The following UBE2Q2 variants were observed in gnomAD, a reference collection of about 807,000 sequenced individuals.
UBE2Q2 encodes the protein ubiquitin conjugating enzyme E2 Q2.
UBE2Q2 carries 54 observed loss-of-function variants against 59.9 expected under a neutral mutation model. The ratio of observed to expected loss-of-function variants is 0.90; its 90% CI spans 0.72 to 1.13. The LOEUF (loss-of-function observed/expected upper bound fraction) is 1.13, where lower values mean the gene tolerates loss of function less well. Ranked by LOEUF, UBE2Q2 falls within the 50% of genes most tolerant of loss-of-function variation. UBE2Q2 has a pLI of 0.00. For synonymous variants in UBE2Q2, 165 were observed against 155.2 expected, an observed-to-expected ratio of 1.06 and a Z score of -0.47; for missense variants, 433 against 441.9, an observed-to-expected ratio of 0.98 and a Z score of 0.18.
chr15:75,864,540 C>T (rs1294457372), intron 3 of UBE2Q2, among the ~76,000 whole-genome samples: 1 of 147,148 alleles, frequency 6.8e-6, no homozygotes. Context: ...CTTTGACTGT[C>T]TTTTTCCTTT....
At chr15:75,880,921 G>A (rs1898375844) in intron 8 of UBE2Q2, among the ~76,000 whole-genome samples, 1 of 152,184 alleles carries the variant, frequency 6.6e-6, no homozygotes, top group South Asian at 2.1e-4. Context: ...GCTTTTTTAT[G>A]TGTGTGTTTT....
At chr15:75,899,278 AAATATATATAT>A in intron 12 of UBE2Q2, 138 bp from the exon 13 acceptor site, 1 of 226,474 alleles carries the variant, frequency 4.4e-6, no homozygotes, top group Non-Finnish European at 7.8e-6. Flanking sequence ...CTGTCTCAAA[AAATATATATAT>A]AATATATATA....
At chr15:75,894,303 T>C (rs335708) in intron 11 of UBE2Q2, among the ~76,000 whole-genome samples, 147,412 of 152,290 alleles carry the variant, frequency 0.97, 71,522 homozygotes, top group East Asian at 1. Flanking sequence ...GACAGTGGCT[T>C]ACTCCTATAA....
rs1555422284 is a variant in UBE2Q2 at position 75,877,179 on chromosome 15, A to AAT, written c.674-781_674-780insTA. Among the ~76,000 whole-genome samples, 482 of 150,852 alleles carry AAT rather than the reference A, an allele frequency of 3.2e-3. 1 individual carries two copies. The highest frequency in any genetic ancestry group is 0.012 in the African/African-American group (475 of 40,958). On this transcript the variant is annotated intron_variant, in intron 6 of 12. Coordinates refer to ENST00000267938, the MANE Select transcript of UBE2Q2 (RefSeq NM_173469.4). Reference sequence around the variant, plus strand: ...TCTGTCAAAAAAAAAAAAAAAAAAAAAAAAGGGTTATGACCGATTCAATTC... The same window carrying AAT: ...TCTGTCAAAAAAAAAAAAAAAAAAAAATAAAAGGGTTATGACCGATTCAATTC...
At chr15:75,847,877 T>C (rs948205302) in intron 1 of UBE2Q2, among the ~76,000 whole-genome samples, 3 of 152,196 alleles carry the variant, frequency 2.0e-5, no homozygotes, top group Non-Finnish European at 4.4e-5. Context: ...CATAAATGAT[T>C]ACCCTTTCTG....
intron 3 of UBE2Q2, among the ~76,000 whole-genome samples, chr15:75,860,986 G>C (rs1320671595): frequency 6.6e-6 from 1 of 152,208 alleles, no homozygotes; most frequent in Non-Finnish European, 1.5e-5. Flanking sequence ...GCCAGACCGT[G>C]ATAGGTTTGA....
At chr15:75,864,165 A>T (rs149445340) in intron 3 of UBE2Q2, among the ~76,000 whole-genome samples, 1 of 152,184 alleles carries the variant, frequency 6.6e-6, no homozygotes, top group Non-Finnish European at 1.5e-5. Flanking sequence ...TTCTATATTA[A>T]GTAAGGTTAT....
intron 3 of UBE2Q2, among the ~76,000 whole-genome samples, chr15:75,866,003 A>T (rs183423766): frequency 6.6e-6 from 1 of 152,332 alleles, no homozygotes; most frequent in East Asian, 1.9e-4. Flanking sequence ...TTCTAAGTTC[A>T]TAATTGAGTC....
chr15:75,876,290 C>G lies in UBE2Q2; in HGVS notation c.673+19C>G, dbSNP rs375429666. ...AAAACAGGTAAGGATCTCTGGATCC[C>G]TGCTCTCTTTATGATTCTTCTGCTC... On this transcript the variant is annotated intron_variant, in intron 6 of 12. Coordinates refer to ENST00000267938, the MANE Select transcript of UBE2Q2 (RefSeq NM_173469.4). 5 of 1,590,870 alleles carry G rather than the reference C, an allele frequency of 3.1e-6. No homozygotes were observed. The highest frequency in any genetic ancestry group is 4.3e-6 in the Non-Finnish European group (5 of 1,161,214).
intron 1 of UBE2Q2, chr15:75,844,577 C>G (rs1053092239): frequency 7.3e-7 from 1 of 1,378,806 alleles, no homozygotes; most frequent in Non-Finnish European, 9.8e-7. Context: ...GGGCTGCTCC[C>G]CGGAAAGATC....
chr15:75,849,435 A>G (rs1044564087), intron 1 of UBE2Q2, among the ~76,000 whole-genome samples: 18 of 152,242 alleles, frequency 1.2e-4, no homozygotes, highest in Admixed American at 2.0e-4. Context: ...ATTCTGGTCA[A>G]CCAGTTTTGG....
intron 3 of UBE2Q2, among the ~76,000 whole-genome samples, chr15:75,866,818 C>T (rs149980560): frequency 4.6e-5 from 7 of 152,204 alleles, no homozygotes; most frequent in Admixed American, 6.5e-5. Flanking sequence ...GCATAGTAAT[C>T]TGTTTTTTAT....
At chr15:75,877,032 C>T (rs924588946) in intron 6 of UBE2Q2, among the ~76,000 whole-genome samples, 2 of 151,824 alleles carry the variant, frequency 1.3e-5, no homozygotes, top group South Asian at 2.1e-4. Context: ...TGGTGGCGCA[C>T]GCCTGGTGAT....
intron 3 of UBE2Q2, among the ~76,000 whole-genome samples, chr15:75,862,149 A>G (rs189146901): frequency 1.9e-4 from 29 of 152,300 alleles, no homozygotes; most frequent in African/African-American, 6.5e-4. Context: ...TCTGTAGGTT[A>G]AAGTGAGTCT....
intron 9 of UBE2Q2, among the ~76,000 whole-genome samples, chr15:75,887,358 G>A (rs1305050768): frequency 1.3e-5 from 2 of 152,162 alleles, no homozygotes; most frequent in African/African-American, 2.4e-5. Flanking sequence ...GTCGGGTTTG[G>A]TCAGCTGGTG....
chr15:75,851,388 T>A (rs1314765775), intron 1 of UBE2Q2, among the ~76,000 whole-genome samples: 2 of 152,176 alleles, frequency 1.3e-5, no homozygotes, highest in Non-Finnish European at 2.9e-5. Flanking sequence ...CATCATGCAT[T>A]GGTCATTTAG....
chr15:75,866,230 T>C (rs1897471185), intron 3 of UBE2Q2, among the ~76,000 whole-genome samples: 1 of 152,136 alleles, frequency 6.6e-6, no homozygotes, highest in Non-Finnish European at 1.5e-5. Context: ...TAGAGTGCAG[T>C]GGTGTGATCA....
chr15:75,873,572 A>C lies in UBE2Q2; in HGVS notation c.588+4A>C, dbSNP rs376052554. 9 of 1,609,486 alleles carry C rather than the reference A, an allele frequency of 5.6e-6. No individual in the cohort carries two copies. The African/African-American group carries it at 1.1e-4, about 19-fold the overall frequency. ...TCAAAGGCAAGACCATTTAAATGTAAGTGTGTGTAGATATCTAGAACCTGG... is the reference window on the plus strand; with the variant it reads ...TCAAAGGCAAGACCATTTAAATGTACGTGTGTGTAGATATCTAGAACCTGG... On this transcript the variant is annotated splice_donor_region_variant and intron_variant, in intron 5 of 12. Transcript: ENST00000267938.
chr15:75,859,446 AT>A (rs111791675), intron 2 of UBE2Q2, among the ~76,000 whole-genome samples: 1,800 of 152,272 alleles, frequency 0.012, 29 homozygotes, highest in African/African-American at 0.041. Flanking sequence ...TGACTGGAAT[AT>A]ATAATTTTGT....
Sources: gnomAD v4.1 joint callset for allele counts (sites outside exome capture counted in the v4.1 genomes callset) on GRCh38, gnomAD v4.1.1 for gene constraint, MANE v1.5 for transcripts, NCBI Gene and HGNC (gene_info 2026-07-23, HGNC 2026-07-21) for gene names.